Variants in CELF1 observed in about 807,000 individuals in gnomAD.
The protein encoded by CELF1 is 50 kDa nuclear polyadenylated RNA-binding protein.
Under a neutral mutation model 61.8 loss-of-function variants are expected in CELF1, and 10 were observed. The observed-to-expected ratio is 0.16, with a 90% CI of 0.10 to 0.27. The LOEUF (loss-of-function observed/expected upper bound fraction) is 0.27. Among genes scored for constraint, CELF1 ranks in the 10% least tolerant of loss-of-function variants. The pLI is 1.00. For missense variants in CELF1, 380 were observed against 639.1 expected (o/e 0.59, Z 4.37); for synonymous variants, 236 against 225.1 (o/e 1.05, Z -0.43).
intron 1 of CELF1, among the ~76,000 whole-genome samples, chr11:47,540,062 G>C (rs1453012557): frequency 6.6e-6 from 1 of 152,186 alleles, no homozygotes; most frequent in Non-Finnish European, 1.5e-5. Context: ...TATTACAAGA[G>C]GGGCTAAATC....
In CELF1 at chr11:47,470,350, C is replaced by T. The variant is rs2077422224; in HGVS notation, c.*1880G>A. ...TTTTTTGCATTTATTTAAAAAATCC[C>T]ATCATGACCCTGGAAGCCTTTAGAA... On this transcript the variant is annotated 3_prime_UTR_variant, in exon 15 of 15. Transcript: ENST00000687097. 6.6e-6 allele frequency: 1 copy of T among 151,042 alleles called. No homozygotes were observed. Among genetic ancestry groups the T allele is most frequent in the Non-Finnish European group, 1.5e-5 (1 of 67,870 alleles). 9.4% of individuals were successfully genotyped at this position (151,042 alleles called of 1,614,324 possible).
chr11:47,516,906 T>G (rs1197904287), intron 1 of CELF1, among the ~76,000 whole-genome samples: 5 of 152,116 alleles, frequency 3.3e-5, no homozygotes, highest in Admixed American at 3.3e-4. Context: ...CCCAGCTCAC[T>G]AGTATTTTTC....
rs530272554 is a variant in CELF1, at chr11:47,538,917, CAGAG to C, written c.-154+14071_-154+14074del. Among the ~76,000 whole-genome samples the C allele has an allele frequency of 3.3e-5, 5 of 152,276 alleles. No homozygotes were observed. The South Asian group carries it at 6.2e-4, about 19-fold the overall frequency. On this transcript the variant is annotated intron_variant, in intron 1 of 14. Coordinates refer to ENST00000687097, the MANE Select transcript of CELF1 (RefSeq NM_001376376.1). ...ATTCATGAAGTTACTGAGCTGGGACCAGAGAGACTCCATCAACTGGGCACACAGC... is the reference window on the plus strand; with the variant it reads ...ATTCATGAAGTTACTGAGCTGGGACCAGACTCCATCAACTGGGCACACAGC...
At chr11:47,480,548 T>C (rs934294768) in intron 9 of CELF1, among the ~76,000 whole-genome samples, 1 of 152,260 alleles carries the variant, frequency 6.6e-6, no homozygotes, top group Admixed American at 6.5e-5. Context: ...CATGCCATCA[T>C]GTACTTGCTG....
chr11:47,541,985 A>C (rs536210653), intron 1 of CELF1, among the ~76,000 whole-genome samples: 131 of 152,248 alleles, frequency 8.6e-4, no homozygotes, highest in Non-Finnish European at 1.5e-3. Flanking sequence ...CTTAGAAAGA[A>C]AGTAAAATTA....
chr11:47,488,070 C>T (rs999887252), intron 4 of CELF1, among the ~76,000 whole-genome samples: 1 of 152,122 alleles, frequency 6.6e-6, no homozygotes, highest in Non-Finnish European at 1.5e-5. Context: ...AAAGTAATTC[C>T]TCTGCTTCTA....
At chr11:47,500,999 G>C in intron 1 of CELF1, 67 bp from the exon 2 acceptor site, 1 of 397,912 alleles carries the variant, frequency 2.5e-6, no homozygotes, top group East Asian at 3.6e-5. Context: ...AAAAAGAAAG[G>C]CAACACACAA....
intron 1 of CELF1, among the ~76,000 whole-genome samples, chr11:47,503,836 C>G (rs2094207724): frequency 1.3e-5 from 2 of 152,152 alleles, no homozygotes; most frequent in Non-Finnish European, 2.9e-5. Flanking sequence ...TGGCATTTCA[C>G]TTTGTGGAAG....
chr11:47,529,989 A>G (rs2096410184), intron 1 of CELF1, among the ~76,000 whole-genome samples: 1 of 152,138 alleles, frequency 6.6e-6, no homozygotes, highest in South Asian at 2.1e-4. Flanking sequence ...GAGTATATAA[A>G]AGAAAAAATT....
At chr11:47,486,276 T>C (rs1271149337) in intron 6 of CELF1, among the ~76,000 whole-genome samples, 2 of 151,902 alleles carry the variant, frequency 1.3e-5, no homozygotes, top group Non-Finnish European at 2.9e-5. Context: ...CATTCTACAA[T>C]GTTCTTATAA....
intron 9 of CELF1, among the ~76,000 whole-genome samples, chr11:47,481,466 A>C (rs919281589): frequency 2.0e-5 from 3 of 152,134 alleles, no homozygotes; most frequent in Non-Finnish European, 4.4e-5. Flanking sequence ...AGAAATATGA[A>C]AACCACTGGA....
intron 4 of CELF1, 67 bp from the exon 5 acceptor site, chr11:47,487,308 T>G (rs1332010190): frequency 8.4e-7 from 1 of 1,187,190 alleles, no homozygotes; most frequent in Non-Finnish European, 1.2e-6. Flanking sequence ...CAATCCTTCC[T>G]CCACTGACAG....
chr11:47,562,157 C>T (rs542010877), intron 2 of CELF1, among the ~76,000 whole-genome samples: 1 of 146,644 alleles, frequency 6.8e-6, no homozygotes, highest in African/African-American at 2.5e-5. Flanking sequence ...ACCTGAGAGG[C>T]GGAGGTTGTG....
intron 1 of CELF1, among the ~76,000 whole-genome samples, chr11:47,509,389 T>TA (rs2094861213): frequency 6.6e-6 from 1 of 151,364 alleles, no homozygotes; most frequent in African/African-American, 2.4e-5. Flanking sequence ...TAAAGAGGAG[T>TA]AAAAAAGCTA....
At chr11:47,562,947 T>A (rs2097231126) in intron 2 of CELF1, among the ~76,000 whole-genome samples, 1 of 152,042 alleles carries the variant, frequency 6.6e-6, no homozygotes, top group African/African-American at 2.4e-5. Context: ...CCTCAGGTGA[T>A]CTGCCTGCCT....
intron 13 of CELF1, 36 bp downstream of exon 13, chr11:47,475,300 C>T (rs376310745): frequency 9.3e-5 from 150 of 1,605,962 alleles, no homozygotes; most frequent in Non-Finnish European, 1.2e-4. Flanking sequence ...GGAAAACCGC[C>T]CCCCATACCT....
chr11:47,561,243 G>A (rs2097224158), intron 2 of CELF1, among the ~76,000 whole-genome samples: 1 of 150,082 alleles, frequency 6.7e-6, no homozygotes, highest in African/African-American at 2.5e-5. Context: ...AGGAGATTGA[G>A]ACCATCCTGG....
intron 13 of CELF1, among the ~76,000 whole-genome samples, chr11:47,474,734 C>A (rs563026720): frequency 4.3e-4 from 65 of 152,308 alleles, no homozygotes; most frequent in African/African-American, 1.5e-3. Flanking sequence ...CAAATCTGAG[C>A]ACAGAGGTGT....
At chr11:47,534,169 C>T (rs1383040971) in intron 1 of CELF1, among the ~76,000 whole-genome samples, 1 of 151,188 alleles carries the variant, frequency 6.6e-6, no homozygotes, top group African/African-American at 2.4e-5. Flanking sequence ...GCTGAGATTA[C>T]AGGCGCCTGC....
Sources: allele counts gnomAD v4.1 joint callset (sites outside exome capture counted in the v4.1 genomes callset), GRCh38; gene constraint gnomAD v4.1.1; transcripts MANE v1.5; gene names NCBI Gene and HGNC (gene_info 2026-07-23, HGNC 2026-07-21).